Variants in UBE2D2 observed in about 807,000 individuals in gnomAD.
UBE2D2 encodes the protein ubiquitin conjugating enzyme E2 D2.
UBE2D2 carries 2 observed loss-of-function variants against 24.2 expected under a neutral mutation model. The ratio of observed to expected loss-of-function variants is 0.08; its 90% confidence interval spans 0.03 to 0.26. UBE2D2 has a LOEUF of 0.26. UBE2D2 is among the 10% of genes least tolerant of loss of function. The pLI is 1.00. For missense variants in UBE2D2, 44 were observed against 177.6 expected, an observed-to-expected ratio of 0.25 and a Z score of 4.28; for synonymous variants, 58 against 56.5, an observed-to-expected ratio of 1.03 and a Z score of -0.12.
chr5:139,566,510 CA>C (rs141042104), intron 1 of UBE2D2, among the ~76,000 whole-genome samples: 1 of 151,806 alleles, frequency 6.6e-6, no homozygotes, highest in Admixed American at 6.6e-5. Context: ...ATGGTCTTTA[CA>C]AAAAATACAA....
At chr5:139,591,002 G>C (rs1301656959) in intron 1 of UBE2D2, among the ~76,000 whole-genome samples, 1 of 151,204 alleles carries the variant, frequency 6.6e-6, no homozygotes, top group Non-Finnish European at 1.5e-5. Flanking sequence ...TCTCCATGCT[G>C]GTCAGGCTGG....
intron 2 of UBE2D2, among the ~76,000 whole-genome samples, chr5:139,610,295 CA>C: frequency 6.6e-6 from 1 of 152,252 alleles, no homozygotes; most frequent in South Asian, 2.1e-4. Flanking sequence ...GTAATCCCAG[CA>C]CTTTGGGAGG....
At chr5:139,605,254 A>T (rs1754172949) in intron 2 of UBE2D2, among the ~76,000 whole-genome samples, 1 of 152,090 alleles carries the variant, frequency 6.6e-6, no homozygotes, top group Non-Finnish European at 1.5e-5. Context: ...ATTTTTTTTC[A>T]CTTTCCTGCA....
At chr5:139,550,220 A>G (rs759208152) in intron 1 of UBE2D2, among the ~76,000 whole-genome samples, 2 of 151,476 alleles carry the variant, frequency 1.3e-5, no homozygotes, top group African/African-American at 2.4e-5. Context: ...AAACGCATCA[A>G]TCAGCACCCT....
chr5:139,620,284 CTT>C (rs1754492594), intron 5 of UBE2D2, among the ~76,000 whole-genome samples: 1 of 152,146 alleles, frequency 6.6e-6, no homozygotes, highest in Admixed American at 6.5e-5. Flanking sequence ...TACTAAAAAT[CTT>C]TTCACAAGGT....
At chr5:139,556,053 A>G (rs548570955) in intron 1 of UBE2D2, among the ~76,000 whole-genome samples, 20 of 151,042 alleles carry the variant, frequency 1.3e-4, no homozygotes, top group South Asian at 8.3e-4. Flanking sequence ...CCTGACCAAC[A>G]TGGAGAAACC....
At chr5:139,549,357 C>G (rs999979246) in intron 1 of UBE2D2, among the ~76,000 whole-genome samples, 1 of 152,194 alleles carries the variant, frequency 6.6e-6, no homozygotes, top group African/African-American at 2.4e-5. Context: ...GAGGCCCAGG[C>G]AGGAACTGGG....
chr5:139,540,630 G>C (rs1411248561), intron 1 of UBE2D2, among the ~76,000 whole-genome samples: 1 of 151,812 alleles, frequency 6.6e-6, no homozygotes, highest in Non-Finnish European at 1.5e-5. Context: ...GTGCAGGTTT[G>C]ATTGTTAGCC....
intron 1 of UBE2D2, among the ~76,000 whole-genome samples, chr5:139,591,126 C>CT (rs1290379102): frequency 0.013 from 1,776 of 133,098 alleles, 15 homozygotes; most frequent in Middle Eastern, 0.059. Flanking sequence ...TTCTCTCTCT[C>CT]TTTTTTTTTT....
chr5:139,604,305 A>G (rs1305474215), intron 2 of UBE2D2, among the ~76,000 whole-genome samples: 2 of 151,522 alleles, frequency 1.3e-5, no homozygotes, highest in African/African-American at 4.8e-5. Flanking sequence ...CGCCCAGCTA[A>G]TTTTCGTATT....
chr5:139,576,249 C>T (rs191539239), intron 1 of UBE2D2, among the ~76,000 whole-genome samples: 42 of 152,282 alleles, frequency 2.8e-4, no homozygotes, highest in Non-Finnish European at 3.4e-4. Flanking sequence ...TTCTGGAGGC[C>T]AGCAGTCTAA....
chr5:139,596,063 T>A (rs907159538), intron 1 of UBE2D2, among the ~76,000 whole-genome samples: 2 of 150,372 alleles, frequency 1.3e-5, no homozygotes, highest in Non-Finnish European at 1.5e-5. Context: ...CCGGCTAATT[T>A]TTGTATTTTT....
intron 1 of UBE2D2, among the ~76,000 whole-genome samples, chr5:139,550,539 C>A (rs575177626): frequency 2.4e-4 from 37 of 152,126 alleles, no homozygotes; most frequent in African/African-American, 8.2e-4. Context: ...CTAGTAGTGG[C>A]AACTGGCTCA....
intron 6 of UBE2D2, among the ~76,000 whole-genome samples, chr5:139,624,951 G>T (rs1411463343): frequency 6.6e-6 from 1 of 152,154 alleles, no homozygotes; most frequent in Non-Finnish European, 1.5e-5. Flanking sequence ...ATTTAGAATT[G>T]TGGGTCTGAA....
intron 1 of UBE2D2, among the ~76,000 whole-genome samples, chr5:139,555,220 A>AT (rs1432746431): frequency 2.0e-5 from 3 of 151,668 alleles, no homozygotes; most frequent in Non-Finnish European, 4.4e-5. Context: ...TAATTTTTGT[A>AT]TTTTTTGTAG....
At chr5:139,592,919 A>T (rs377325861) in intron 1 of UBE2D2, among the ~76,000 whole-genome samples, 2 of 146,234 alleles carry the variant, frequency 1.4e-5, no homozygotes, top group African/African-American at 5.3e-5. Flanking sequence ...CAGTAATCTT[A>T]AAAGAGTTTC....
chr5:139,569,295 T>A (rs1386841150), intron 1 of UBE2D2, among the ~76,000 whole-genome samples: 1 of 152,180 alleles, frequency 6.6e-6, no homozygotes, highest in Non-Finnish European at 1.5e-5. Context: ...TCTACTAGAT[T>A]GTTATTTAAA....
intron 1 of UBE2D2, among the ~76,000 whole-genome samples, chr5:139,533,356 GGAAAA>G (rs1245186789): frequency 6.6e-6 from 1 of 151,388 alleles, no homozygotes; most frequent in African/African-American, 2.4e-5. Flanking sequence ...GAGGTTGAAA[GGAAAA>G]GAAAAGGGGC....
intron 1 of UBE2D2, among the ~76,000 whole-genome samples, chr5:139,573,992 T>TA (rs1228312782): frequency 4.0e-5 from 6 of 150,832 alleles, no homozygotes; most frequent in Middle Eastern, 3.6e-3. Flanking sequence ...AAATAAATAA[T>TA]AAAAAATGTC....
Sources: gnomAD v4.1 joint callset for allele counts (sites outside exome capture counted in the v4.1 genomes callset) on GRCh38, gnomAD v4.1.1 for gene constraint, MANE v1.5 for transcripts, NCBI Gene and HGNC (gene_info 2026-07-23, HGNC 2026-07-21) for gene names.